GHR: variants seen among roughly 807,000 people sequenced by gnomAD.
GHR encodes the protein GH receptor.
GHR carries 35 observed loss-of-function variants against 67.1 expected under a neutral mutation model. The ratio of observed to expected loss-of-function variants is 0.52; its 90% CI spans 0.40 to 0.69. The LOEUF is 0.69. Ranked by LOEUF, GHR falls within the 30% of genes least tolerant of loss-of-function variation. The pLI, the probability that GHR is intolerant of heterozygous loss-of-function variation, is 0.00. For missense variants in GHR, 792 were observed against 764.6 expected (o/e 1.04, Z -0.42); for synonymous variants, 272 against 269.1 (o/e 1.01, Z -0.10).
chr5:42,670,863 A>AT (rs1400636326), intron 3 of GHR, among the ~76,000 whole-genome samples: 9 of 88,732 alleles, frequency 1.0e-4, no homozygotes, highest in South Asian at 5.0e-4. Flanking sequence ...AAAAGCAAAA[A>AT]TTAAAAAAAA....
At chr5:42,620,450 G>A (rs1323303935) in intron 2 of GHR, among the ~76,000 whole-genome samples, 2 of 152,094 alleles carry the variant, frequency 1.3e-5, no homozygotes, top group Non-Finnish European at 2.9e-5. Flanking sequence ...TCATTGGGCA[G>A]TTAGATAACT....
chr5:42,686,228 G>A (rs1340629312), intron 3 of GHR, among the ~76,000 whole-genome samples: 1 of 152,210 alleles, frequency 6.6e-6, no homozygotes, highest in South Asian at 2.1e-4. Flanking sequence ...TTTTTGTCAG[G>A]TTTGTCAAAG....
intron 1 of GHR, among the ~76,000 whole-genome samples, chr5:42,486,163 AT>A (rs1745871028): frequency 6.6e-6 from 1 of 152,142 alleles, no homozygotes; most frequent in Admixed American, 6.5e-5. Context: ...AGAACCTCTG[AT>A]TTAGGCCATC....
At chr5:42,450,895 A>G (rs967414140) in intron 1 of GHR, among the ~76,000 whole-genome samples, 2 of 152,210 alleles carry the variant, frequency 1.3e-5, no homozygotes, top group Admixed American at 1.3e-4. Context: ...CCCAAAGATC[A>G]TTCAAGAGCA....
intron 2 of GHR, among the ~76,000 whole-genome samples, chr5:42,590,393 G>C (rs1373074614): frequency 6.6e-6 from 1 of 152,128 alleles, no homozygotes. Flanking sequence ...TTAAACTAGT[G>C]TTTTCTACTC....
chr5:42,485,214 C>A (rs1181105633), intron 1 of GHR, among the ~76,000 whole-genome samples: 2 of 152,200 alleles, frequency 1.3e-5, no homozygotes, highest in African/African-American at 4.8e-5. Flanking sequence ...TTTCCATTCC[C>A]TAAGTTTGCT....
At chr5:42,672,927 T>C (rs1205804673) in intron 3 of GHR, among the ~76,000 whole-genome samples, 1 of 152,170 alleles carries the variant, frequency 6.6e-6, no homozygotes, top group African/African-American at 2.4e-5. Context: ...CAAGTTTTTC[T>C]GTGTAGAAGC....
At chr5:42,534,245 T>C (rs1216574978) in intron 1 of GHR, among the ~76,000 whole-genome samples, 3 of 141,206 alleles carry the variant, frequency 2.1e-5, no homozygotes, top group Non-Finnish European at 4.5e-5. Flanking sequence ...TGTGTATATA[T>C]GTATATATGT....
intron 2 of GHR, among the ~76,000 whole-genome samples, chr5:42,567,502 A>T (rs1750007668): frequency 6.6e-6 from 1 of 152,172 alleles, no homozygotes; most frequent in East Asian, 1.9e-4. Flanking sequence ...GGGAGAGCAG[A>T]ATATAAGCAA....
chr5:42,570,667 G>A (rs763320121), intron 2 of GHR, among the ~76,000 whole-genome samples: 6 of 152,186 alleles, frequency 3.9e-5, no homozygotes, highest in African/African-American at 7.2e-5. Context: ...TTATAGGTAT[G>A]AGCCACTGTG....
chr5:42,488,947 A>G (rs1363081278), intron 1 of GHR, among the ~76,000 whole-genome samples: 1 of 150,922 alleles, frequency 6.6e-6, no homozygotes, highest in Non-Finnish European at 1.5e-5. Context: ...TGCATGATAG[A>G]GTTTGAGTCT....
chr5:42,446,563 T>C (rs1476189364), intron 1 of GHR, among the ~76,000 whole-genome samples: 1 of 152,198 alleles, frequency 6.6e-6, no homozygotes, highest in Non-Finnish European at 1.5e-5. Context: ...CATGATCAGA[T>C]TTGTTATTTT....
chr5:42,681,366 A>G lies in GHR; in HGVS notation c.137-7524A>G, dbSNP rs529861315. On this transcript the variant is annotated intron_variant, in intron 3 of 9. Transcript: ENST00000230882. ...ACAGACACATGAAAAAATGCTCATC[A>G]TCACTGGTCATCAGAGAAATGCAAA... Among the ~76,000 whole-genome samples the G allele has an allele frequency of 6.6e-5, 10 of 152,358 alleles. No homozygotes were observed. The East Asian group carries it at 1.9e-3, about 29-fold the overall frequency.
intron 1 of GHR, among the ~76,000 whole-genome samples, chr5:42,531,671 T>C (rs2112341891): frequency 6.6e-6 from 1 of 152,348 alleles, no homozygotes; most frequent in East Asian, 1.9e-4. Flanking sequence ...ATTATTATTT[T>C]GATGTTTCTT....
chr5:42,670,880 A>AAAAAAAAAAAAAAAAAAAAAAT (rs1554034852), intron 3 of GHR, among the ~76,000 whole-genome samples: 1 of 118,212 alleles, frequency 8.5e-6, no homozygotes, highest in African/African-American at 3.3e-5. Context: ...AAAAAAAAAA[A>AAAAAAAAAAAAAAAAAAAAAAT]ATATATATAT....
chr5:42,433,437 A>G (rs1358206039), intron 1 of GHR, among the ~76,000 whole-genome samples: 4 of 152,124 alleles, frequency 2.6e-5, no homozygotes, highest in African/African-American at 9.7e-5. Context: ...AATCAAAAAC[A>G]GAACATGTAT....
intron 1 of GHR, among the ~76,000 whole-genome samples, chr5:42,457,588 GAT>G (rs1342590121): frequency 6.6e-6 from 1 of 152,196 alleles, no homozygotes; most frequent in Non-Finnish European, 1.5e-5. Flanking sequence ...GGGGAAGTGA[GAT>G]ACATTAACCT....
rs190559453 is a variant in GHR at position 42,681,969 on chromosome 5, C to T, written c.137-6921C>T. Among the ~76,000 whole-genome samples, 246 of 148,566 alleles carry T rather than the reference C, an allele frequency of 1.7e-3. 8 individuals carry two copies. The highest frequency in any genetic ancestry group is 1.1e-3 in the Non-Finnish European group (76 of 67,372). On this transcript the variant is annotated intron_variant, in intron 3 of 9. Coordinates refer to ENST00000230882, the MANE Select transcript of GHR (RefSeq NM_000163.5). Reference sequence around the variant, plus strand: ...AAAAAAAAAAAAAGACATATGCACACGTACGTTTACTGCAGCACTATTCAC... The same window carrying T: ...AAAAAAAAAAAAAGACATATGCACATGTACGTTTACTGCAGCACTATTCAC...
At chr5:42,587,541 C>G (rs943591429) in intron 2 of GHR, among the ~76,000 whole-genome samples, 7 of 152,186 alleles carry the variant, frequency 4.6e-5, no homozygotes, top group Non-Finnish European at 8.8e-5. Context: ...CTAGTCTAAA[C>G]TCCACCTCCT....
Sources: allele counts gnomAD v4.1 joint callset (sites outside exome capture counted in the v4.1 genomes callset), GRCh38; gene constraint gnomAD v4.1.1; transcripts MANE v1.5; gene names NCBI Gene and HGNC (gene_info 2026-07-23, HGNC 2026-07-21).